Variants in ENTPD7 observed in about 807,000 individuals in gnomAD.
The protein encoded by ENTPD7 is ectonucleoside triphosphate diphosphohydrolase 7.
A neutral mutation model predicts 77.9 loss-of-function variants in ENTPD7; 53 were observed. That is an observed-to-expected ratio of 0.68 (90% confidence interval 0.55 to 0.85). The LOEUF (loss-of-function observed/expected upper bound fraction) is 0.85. Among genes scored for constraint, ENTPD7 ranks in the 40% least tolerant of loss-of-function variants. The probability of loss-of-function intolerance (pLI) is 0.00; values close to 1 mark genes in which losing one functional copy is unlikely to be tolerated. For missense variants in ENTPD7, 636 were observed against 743.7 expected, an observed-to-expected ratio of 0.86 and a Z score of 1.68; for synonymous variants, 248 against 274.9, an observed-to-expected ratio of 0.90 and a Z score of 0.97.
chr10:99,699,162 G>A (rs1263907354), intron 10 of ENTPD7, among the ~76,000 whole-genome samples: 2 of 152,152 alleles, frequency 1.3e-5, no homozygotes, highest in East Asian at 1.9e-4. Context: ...CAATAGTCTT[G>A]TTTAATGTTT....
At chr10:99,679,578 G>A in intron 4 of ENTPD7, 112 bp downstream of exon 4, 1 of 1,421,250 alleles carries the variant, frequency 7.0e-7, no homozygotes, top group Non-Finnish European at 9.4e-7. Flanking sequence ...GTAATGGGAG[G>A]GATATCTCTT....
intron 7 of ENTPD7, among the ~76,000 whole-genome samples, chr10:99,690,636 G>A (rs1413665443): frequency 1.3e-5 from 2 of 151,190 alleles, no homozygotes; most frequent in Middle Eastern, 3.4e-3. Flanking sequence ...TCCGCCTGTC[G>A]GGTTCAAGCG....
intron 2 of ENTPD7, among the ~76,000 whole-genome samples, chr10:99,660,779 G>A (rs1037951573): frequency 3.9e-5 from 6 of 152,032 alleles, no homozygotes; most frequent in African/African-American, 1.2e-4. Context: ...AAAATTAGCC[G>A]GGTGTGGTGG....
Position 99,711,140 on chromosome 10 carries a change from AGATAT to A in ENTPD7, c.*6458_*6462del. ...AGATAATCATTCACCAGAAGCTCAT[AGATAT>A]AATACAGTTATATAGCTAAATGCAA... On this transcript the variant is annotated 3_prime_UTR_variant, in exon 13 of 13. Transcript: ENST00000370489. 2 of 985,180 alleles carry A rather than the reference AGATAT, an allele frequency of 2.0e-6. No individual in the cohort carries two copies. The highest frequency in any genetic ancestry group is 2.4e-6 in the Non-Finnish European group (2 of 829,662). 61.0% of individuals were successfully genotyped at this position (985,180 alleles called of 1,614,324 possible). A position where few individuals can be genotyped will look rare whatever the true frequency, so the allele number is the denominator to read the frequency against.
chr10:99,710,575 G>A lies in ENTPD7; in HGVS notation c.*5892G>A, dbSNP rs1274094629. 2 of 985,206 alleles carry A rather than the reference G, an allele frequency of 2.0e-6. No individual in the cohort carries two copies. The highest frequency in any genetic ancestry group is 3.5e-5 in the African/African-American group (2 of 57,202). The allele number at this position is 985,206 out of a possible 1,614,324, so 61.0% of individuals were successfully genotyped here. ...ATTTTGAATTCTTAAAATTCTCACT[G>A]ACAAACATTTTAGGTCAGTGTTGAG... On this transcript the variant is annotated 3_prime_UTR_variant, in exon 13 of 13. Coordinates refer to ENST00000370489, the MANE Select transcript of ENTPD7 (RefSeq NM_020354.5).
At chr10:99,697,985 C>T (rs2036020946) in intron 9 of ENTPD7, 1 of 157,356 alleles carries the variant, frequency 6.4e-6, no homozygotes, top group South Asian at 1.8e-4. Flanking sequence ...TCTCCCCACT[C>T]AGAGGCTCCA....
rs1396110795 is a variant in ENTPD7 at position 99,683,215 on chromosome 10, G to A, written c.549-2577G>A. ...ATCATTGCTGCCTCTAAGTCCAAGC[G>A]AGTTGTTGGCATAAATGTGACTATC... On this transcript the variant is annotated intron_variant, in intron 5 of 12. Transcript: ENST00000370489. Among the ~76,000 whole-genome samples, 3 of 151,840 alleles carry A rather than the reference G, an allele frequency of 2.0e-5. No individual in the cohort carries two copies. In the East Asian group the frequency reaches 5.8e-4, roughly 29 times the overall value.
intron 5 of ENTPD7, among the ~76,000 whole-genome samples, chr10:99,681,701 G>A (rs1424463955): frequency 6.6e-6 from 1 of 152,130 alleles, no homozygotes; most frequent in Non-Finnish European, 1.5e-5. Context: ...AACACTTGTT[G>A]TCTTTTGTTT....
intron 8 of ENTPD7, 136 bp from the exon 9 acceptor site, chr10:99,695,820 C>G (rs2035962838): frequency 1.3e-6 from 1 of 749,890 alleles, no homozygotes; most frequent in African/African-American, 1.8e-5. Context: ...TAAAATAATG[C>G]TATGAGGATG....
At chr10:99,688,215 T>C (rs1354497602) in intron 6 of ENTPD7, among the ~76,000 whole-genome samples, 2 of 152,146 alleles carry the variant, frequency 1.3e-5, no homozygotes, top group Non-Finnish European at 2.9e-5. Flanking sequence ...CCAGGTAATA[T>C]CTGAGGGGGA....
chr10:99,687,701 C>T (rs1324109306), intron 6 of ENTPD7, among the ~76,000 whole-genome samples: 1 of 152,146 alleles, frequency 6.6e-6, no homozygotes, highest in Non-Finnish European at 1.5e-5. Flanking sequence ...TGTTTAGGGT[C>T]AGATCCATGT....
chr10:99,683,837 T>C (rs2035781023), intron 5 of ENTPD7, among the ~76,000 whole-genome samples: 1 of 152,242 alleles, frequency 6.6e-6, no homozygotes, highest in African/African-American at 2.4e-5. Flanking sequence ...ATAAGTTATT[T>C]AACCAATCCC....
At chr10:99,664,069 T>C (rs932554620) in intron 3 of ENTPD7, among the ~76,000 whole-genome samples, 7 of 152,316 alleles carry the variant, frequency 4.6e-5, no homozygotes, top group South Asian at 2.1e-4. Flanking sequence ...CAGTGAAAGT[T>C]TGACATCTTT....
chr10:99,662,901 G>T (rs1053837156), intron 3 of ENTPD7, among the ~76,000 whole-genome samples: 1 of 152,358 alleles, frequency 6.6e-6, no homozygotes, highest in Non-Finnish European at 1.5e-5. Context: ...CCTGTCATTT[G>T]TGTGCCAACA....
chr10:99,702,713 G>A, intron 12 of ENTPD7, 40 bp downstream of exon 12: 1 of 1,541,058 alleles, frequency 6.5e-7, no homozygotes, highest in East Asian at 2.4e-5. Flanking sequence ...TGAGCTCAGA[G>A]GATATCAGTT....
chr10:99,694,813 A>C (rs1164392285), intron 8 of ENTPD7, among the ~76,000 whole-genome samples: 1 of 152,224 alleles, frequency 6.6e-6, no homozygotes, highest in South Asian at 2.1e-4. Flanking sequence ...CTGGGATTAT[A>C]GGCATGAGCC....
chr10:99,677,133 T>C (rs911775396), intron 3 of ENTPD7, among the ~76,000 whole-genome samples: 3 of 152,126 alleles, frequency 2.0e-5, no homozygotes, highest in Non-Finnish European at 4.4e-5. Context: ...GTTGTTCTGA[T>C]TGGGGGTGGT....
At chr10:99,687,758 C>T (rs1478716693) in intron 6 of ENTPD7, among the ~76,000 whole-genome samples, 1 of 152,112 alleles carries the variant, frequency 6.6e-6, no homozygotes, top group African/African-American at 2.4e-5. Context: ...CAACTTTGCT[C>T]CCTACTGTCT....
rs190478093 is a variant in ENTPD7 at position 99,672,905 on chromosome 10, G to A, written c.192-6356G>A. On this transcript the variant is annotated intron_variant, in intron 3 of 12. Coordinates refer to ENST00000370489, the MANE Select transcript of ENTPD7 (RefSeq NM_020354.5). The stretch of plus-strand genomic sequence containing the variant: ...TGAGCTCTGTTTGAACTCTAAAGTG[G>A]TATAATTAGTTTTGATTTTGTAAGC... Among the ~76,000 whole-genome samples, 476 of 152,254 alleles carry A rather than the reference G, an allele frequency of 3.1e-3. 6 individuals are homozygous for A. Among genetic ancestry groups the A allele is most frequent in the South Asian group, 1.9e-3 (9 of 4,828 alleles).
Sources: gnomAD v4.1 joint callset for allele counts (sites outside exome capture counted in the v4.1 genomes callset) on GRCh38, gnomAD v4.1.1 for gene constraint, MANE v1.5 for transcripts, NCBI Gene and HGNC (gene_info 2026-07-23, HGNC 2026-07-21) for gene names.